The following ERN1 variants were observed in gnomAD, a reference collection of about 807,000 sequenced individuals.
The protein encoded by ERN1 is endoplasmic reticulum to nucleus signaling 1.
In ERN1, 39 loss-of-function variants were observed where a neutral mutation model predicts 113.1. The observed-to-expected ratio is 0.34, with a 90% confidence interval of 0.27 to 0.45. The LOEUF is 0.45. ERN1 is among the 20% of genes least tolerant of loss of function. The pLI is 1.00. For synonymous variants in ERN1, 507 were observed against 515.9 expected, an observed-to-expected ratio of 0.98 and a Z score of 0.23; for missense variants, 976 against 1,274.8, an observed-to-expected ratio of 0.77 and a Z score of 3.57.
intron 2 of ERN1, among the ~76,000 whole-genome samples, chr17:64,088,300 C>T (rs1480415405): frequency 1.3e-5 from 2 of 152,168 alleles, no homozygotes; most frequent in Non-Finnish European, 1.5e-5. Context: ...CCCTTCTGAC[C>T]CCCATAACGC....
At chr17:64,104,594 G>A (rs1462071635) in intron 1 of ERN1, among the ~76,000 whole-genome samples, 2 of 152,172 alleles carry the variant, frequency 1.3e-5, no homozygotes, top group African/African-American at 2.4e-5. Flanking sequence ...CCAGGCAGGT[G>A]GATCACCTGA....
At position 64,066,943 on chromosome 17, in the gene ERN1, CA is replaced by C; in HGVS notation, c.581-12del. On this transcript the variant is annotated splice_polypyrimidine_tract_variant and intron_variant, in intron 7 of 21. Coordinates refer to ENST00000433197, the MANE Select transcript of ERN1 (RefSeq NM_001433.5). ...CAAAGTGGGACATCTCTGTACAGAT[CA>C]AATAAACAAAGCATGCTGAGTCTCA... 1 of 1,605,844 alleles carries C rather than the reference CA, an allele frequency of 6.2e-7. No homozygotes were observed. Among genetic ancestry groups the C allele is most frequent in the Non-Finnish European group, 8.5e-7 (1 of 1,173,164 alleles).
chr17:64,051,338 A>G (rs1912677059), intron 17 of ERN1, among the ~76,000 whole-genome samples: 1 of 152,222 alleles, frequency 6.6e-6, no homozygotes, highest in Admixed American at 6.5e-5. Context: ...GTGCTGAAGT[A>G]TCACCCCAAA....
chr17:64,108,239 T>C (rs1567883686), intron 1 of ERN1, among the ~76,000 whole-genome samples: 1 of 152,074 alleles, frequency 6.6e-6, no homozygotes, highest in Non-Finnish European at 1.5e-5. Flanking sequence ...AAATCCACTG[T>C]ATTCCTGAAT....
In ERN1 at chr17:64,079,649, TA is replaced by T. The variant is rs1567872885; in HGVS notation, c.282+12del. Reference sequence around the variant, plus strand: ...GAACCCCTGGAGTACAAAAAGCAGCTAAATATACTCACCGTCAGGCCTTCAT... The same window carrying T: ...GAACCCCTGGAGTACAAAAAGCAGCTAATATACTCACCGTCAGGCCTTCAT... On this transcript the variant is annotated intron_variant, in intron 4 of 21. Coordinates refer to ENST00000433197, the MANE Select transcript of ERN1 (RefSeq NM_001433.5). 6.2e-7 allele frequency: 1 copy of T among 1,610,728 alleles called. No homozygotes were observed. Among genetic ancestry groups the T allele is most frequent in the Non-Finnish European group, 8.5e-7 (1 of 1,176,968 alleles).
chr17:64,073,791 T>G (rs1297796046), intron 5 of ERN1, among the ~76,000 whole-genome samples: 1 of 152,228 alleles, frequency 6.6e-6, no homozygotes, highest in Non-Finnish European at 1.5e-5. Context: ...GCACCTGGCC[T>G]ACACCTGGCT....
At position 64,054,880 on chromosome 17, in the gene ERN1, A is replaced by T; in HGVS notation, c.1673-52T>A. ...GTTTCAAACAGATATCACCTAAAGA[A>T]CCTTGAGGTTAACATAGTGACAAGC... On this transcript the variant is annotated intron_variant, in intron 13 of 21. Coordinates refer to ENST00000433197, the MANE Select transcript of ERN1 (RefSeq NM_001433.5). This position sits in a 1 kb window ranked among gnomAD's most constrained non-coding sequence, Gnocchi z 4.9. 2 of 1,343,984 alleles carry T rather than the reference A, an allele frequency of 1.5e-6. No individual in the cohort carries two copies. The highest frequency in any genetic ancestry group is 2.1e-6 in the Non-Finnish European group (2 of 960,318). 83.3% of individuals were successfully genotyped at this position (1,343,984 alleles called of 1,614,324 possible).
At chr17:64,052,703 G>A (rs1195539871) in intron 17 of ERN1, 77 bp downstream of exon 17, 1 of 1,375,442 alleles carries the variant, frequency 7.3e-7, no homozygotes, top group African/African-American at 1.4e-5. Context: ...CCCCAAACCT[G>A]GAATTTAAAG....
chr17:64,071,890 C>A, intron 6 of ERN1, 91 bp downstream of exon 6: 1 of 1,433,946 alleles, frequency 7.0e-7, no homozygotes, highest in Non-Finnish European at 9.5e-7. Flanking sequence ...AAAAAAGCAG[C>A]TCTGGCCACC....
chr17:64,081,315 G>A (rs953998743), intron 2 of ERN1, among the ~76,000 whole-genome samples: 1 of 152,134 alleles, frequency 6.6e-6, no homozygotes, highest in Non-Finnish European at 1.5e-5. Context: ...CAATTCTAGA[G>A]CCTCCAAGTG....
In ERN1 at chr17:64,063,432, C is replaced by T. The variant is rs1168542359; in HGVS notation, c.1087+554G>A. On this transcript the variant is annotated intron_variant, in intron 10 of 21. Coordinates refer to ENST00000433197, the MANE Select transcript of ERN1 (RefSeq NM_001433.5). This position sits in a 1 kb window ranked among gnomAD's most constrained non-coding sequence, Gnocchi z 5.1. The stretch of plus-strand genomic sequence containing the variant: ...TGGCCATTAGTGATGGCAGCAAAAA[C>T]AAGAGAAAGAGGAAAAAAGGGACCT... 6.6e-6 allele frequency among the ~76,000 whole-genome samples: 1 copy of T among 152,134 alleles called. No individual in the cohort carries two copies. The highest frequency in any genetic ancestry group is 1.5e-5 in the Non-Finnish European group (1 of 68,034).
At chr17:64,060,355 T>G in intron 11 of ERN1, 114 bp downstream of exon 11, 1 of 719,458 alleles carries the variant, frequency 1.4e-6, no homozygotes, top group South Asian at 1.6e-5. Context: ...TTCTGGTGCA[T>G]TCCTCTTCCC....
chr17:64,090,781 T>C (rs577660294), intron 2 of ERN1, among the ~76,000 whole-genome samples: 28 of 152,010 alleles, frequency 1.8e-4, no homozygotes, highest in African/African-American at 6.8e-4. Flanking sequence ...AGAAAGTGAG[T>C]GGGGGTGCAG....
intron 15 of ERN1, chr17:64,053,955 A>C: frequency 3.4e-6 from 1 of 295,260 alleles, no homozygotes; most frequent in Non-Finnish European, 6.4e-6. Context: ...ACTTTTTTTT[A>C]ATTTGACGGG....
intron 2 of ERN1, among the ~76,000 whole-genome samples, chr17:64,088,308 C>T (rs902404244): frequency 3.9e-5 from 6 of 152,136 alleles, no homozygotes; most frequent in South Asian, 2.1e-4. Flanking sequence ...ACCCCCATAA[C>T]GCAGCAATGG....
At chr17:64,053,243 C>T (rs772726313) in intron 16 of ERN1, 29 bp downstream of exon 16, 62 of 1,553,674 alleles carry the variant, frequency 4.0e-5, no homozygotes, top group South Asian at 5.9e-5. Context: ...CCACCCGGGC[C>T]GCTGGCCTGG....
intron 2 of ERN1, among the ~76,000 whole-genome samples, chr17:64,086,685 C>T (rs1277182621): frequency 8.6e-5 from 9 of 104,764 alleles, no homozygotes; most frequent in Admixed American, 3.2e-4. Context: ...CTCGCTCTGT[C>T]GCCCAGGCTG....
At chr17:64,081,289 C>T (rs141430466) in intron 2 of ERN1, among the ~76,000 whole-genome samples, 2 of 152,298 alleles carry the variant, frequency 1.3e-5, no homozygotes, top group East Asian at 3.9e-4. Flanking sequence ...TAAATGGACA[C>T]ACCTCTTTGG....
In ERN1 at chr17:64,041,346, C is replaced by T. The variant is rs937676605; in HGVS notation, c.*2642G>A. On this transcript the variant is annotated 3_prime_UTR_variant, in exon 22 of 22. Coordinates refer to ENST00000433197, the MANE Select transcript of ERN1 (RefSeq NM_001433.5). The stretch of plus-strand genomic sequence containing the variant: ...CAGTACTTCTAAAAAGCTCAACAGC[C>T]TTCCAGGATTGGAGAAGTCCCATAA... 1.3e-5 allele frequency: 2 copies of T among 152,218 alleles called. No individual in the cohort carries two copies. The highest frequency in any genetic ancestry group is 4.8e-5 in the African/African-American group (2 of 41,448). 9.4% of individuals were successfully genotyped at this position (152,218 alleles called of 1,614,324 possible). A position where few individuals can be genotyped will look rare whatever the true frequency, so the allele number is the denominator to read the frequency against.
Sources: allele counts gnomAD v4.1 joint callset (sites outside exome capture counted in the v4.1 genomes callset), GRCh38; gene constraint gnomAD v4.1.1; non-coding constraint Gnocchi (gnomAD v3.1); transcripts MANE v1.5; gene names NCBI Gene and HGNC (gene_info 2026-07-23, HGNC 2026-07-21).